Variants in PIEZO2 observed in about 807,000 individuals in gnomAD.
PIEZO2 encodes the protein piezo-type mechanosensitive ion channel component 2.
A neutral mutation model predicts 337.3 loss-of-function variants in PIEZO2; 172 were observed. That is an observed-to-expected ratio of 0.51 (90% confidence interval 0.45 to 0.58). The LOEUF (loss-of-function observed/expected upper bound fraction) is 0.58. Ranked by LOEUF, PIEZO2 falls within the 20% of genes least tolerant of loss-of-function variation. PIEZO2 has a pLI of 0.00. For missense variants in PIEZO2, 3,028 were observed against 3,391.3 expected (o/e 0.89, Z 2.66); for synonymous variants, 1,251 against 1,228.5 (o/e 1.02, Z -0.38).
chr18:11,118,664 CT>C (rs2039952039), intron 1 of PIEZO2, among the ~76,000 whole-genome samples: 1 of 152,074 alleles, frequency 6.6e-6, no homozygotes, highest in Admixed American at 6.5e-5. Flanking sequence ...GGATAAGTCA[CT>C]GATACAAAGA....
Position 10,766,540 on chromosome 18 carries a change from A to G in PIEZO2, c.2947-3442T>C, listed in dbSNP as rs918822798. On this transcript the variant is annotated intron_variant, in intron 21 of 55. Coordinates refer to ENST00000674853, the MANE Select transcript of PIEZO2 (RefSeq NM_001378183.1). The surrounding 1 kb of genome is among the most constrained non-coding windows in gnomAD (Gnocchi z 6.1). The stretch of plus-strand genomic sequence containing the variant: ...CAGGTTGTCATCCTATCTGAATATA[A>G]CCTTGTGGGGCCTGAGGGCCCTGCC... Among the ~76,000 whole-genome samples, 7 of 152,098 alleles carry G rather than the reference A, an allele frequency of 4.6e-5. No homozygotes were observed. Among genetic ancestry groups the G allele is most frequent in the Non-Finnish European group, 7.4e-5 (5 of 67,996 alleles).
Position 11,048,645 on chromosome 18 carries a change from C to T in PIEZO2, c.160+17482G>A, listed in dbSNP as rs192030354. Among the ~76,000 whole-genome samples the T allele has an allele frequency of 1.3e-5, 2 of 152,170 alleles. No homozygotes were observed. The highest frequency in any genetic ancestry group is 2.9e-5 in the Non-Finnish European group (2 of 68,026). On this transcript the variant is annotated intron_variant, in intron 2 of 55. Transcript: ENST00000674853. The surrounding 1 kb of genome is among the most constrained non-coding windows in gnomAD (Gnocchi z 4.5). ...CTGAATTATTTATATTAGAAGCTTT[C>T]ACTCACTGAATCAATTTTTAAAAAT...
At chr18:10,785,571 A>T (rs1398479150) in intron 16 of PIEZO2, among the ~76,000 whole-genome samples, 1 of 151,760 alleles carries the variant, frequency 6.6e-6, no homozygotes, top group Non-Finnish European at 1.5e-5. Flanking sequence ...CCCTCTCCCC[A>T]CTCTAGTATC....
At chr18:11,053,138 T>C (rs2037590674) in intron 2 of PIEZO2, among the ~76,000 whole-genome samples, 1 of 152,200 alleles carries the variant, frequency 6.6e-6, no homozygotes, top group South Asian at 2.1e-4. Context: ...TAAACGTGTG[T>C]TGTGAAAATT....
Position 10,855,660 on chromosome 18 carries a change from T to G in PIEZO2, c.704-94A>C. ...ACTATTTGAAATTATGTGAATTTCC[T>G]TCAAGTGTTTTTAGGTTTTTTAAAA... On this transcript the variant is annotated intron_variant, in intron 6 of 55. Coordinates refer to ENST00000674853, the MANE Select transcript of PIEZO2 (RefSeq NM_001378183.1). The surrounding 1 kb of genome is among the most constrained non-coding windows in gnomAD (Gnocchi z 4.9). The G allele has an allele frequency of 3.9e-6, 4 of 1,036,118 alleles. No individual in the cohort carries two copies. Among genetic ancestry groups the G allele is most frequent in the Non-Finnish European group, 5.5e-6 (4 of 733,352 alleles). The allele number at this position is 1,036,118 out of a possible 1,614,324, so 64.2% of individuals were successfully genotyped here. A position where few individuals can be genotyped will look rare whatever the true frequency, so the allele number is the denominator to read the frequency against.
At chr18:10,832,488 G>C (rs2040873508) in intron 7 of PIEZO2, among the ~76,000 whole-genome samples, 1 of 152,174 alleles carries the variant, frequency 6.6e-6, no homozygotes. Flanking sequence ...TGCACAGAGA[G>C]GTTAAGTAAT....
intron 2 of PIEZO2, among the ~76,000 whole-genome samples, chr18:11,018,411 G>A (rs1365465028): frequency 6.6e-6 from 1 of 150,886 alleles, no homozygotes; most frequent in Non-Finnish European, 1.5e-5. Context: ...GTGTGTGTGT[G>A]TGTGTGTGTG....
intron 2 of PIEZO2, among the ~76,000 whole-genome samples, chr18:10,989,758 A>G (rs927113985): frequency 3.9e-5 from 6 of 152,198 alleles, no homozygotes; most frequent in Non-Finnish European, 8.8e-5. Flanking sequence ...AAGCTATTGT[A>G]GATAAATTAT....
At chr18:10,818,798 C>T (rs2040438299) in intron 7 of PIEZO2, among the ~76,000 whole-genome samples, 1 of 152,162 alleles carries the variant, frequency 6.6e-6, no homozygotes, top group South Asian at 2.1e-4. Context: ...CGCTTCACGT[C>T]AATGCATCAC....
At chr18:10,816,073 G>C (rs1417356126) in intron 7 of PIEZO2, among the ~76,000 whole-genome samples, 1 of 152,176 alleles carries the variant, frequency 6.6e-6, no homozygotes, top group Non-Finnish European at 1.5e-5. Context: ...AAGACTCCCT[G>C]CCTAGCAGAC....
intron 49 of PIEZO2, among the ~76,000 whole-genome samples, chr18:10,685,860 G>A (rs780338230): frequency 1.8e-4 from 28 of 152,152 alleles, no homozygotes; most frequent in Non-Finnish European, 3.4e-4. Flanking sequence ...TATGGAGAAC[G>A]CAGGCTGCGG....
chr18:11,004,075 C>G (rs1408891824), intron 2 of PIEZO2, among the ~76,000 whole-genome samples: 1 of 152,144 alleles, frequency 6.6e-6, no homozygotes, highest in Non-Finnish European at 1.5e-5. Flanking sequence ...GCAGAAACTC[C>G]CTGACTGCAG....
At chr18:11,040,342 T>A (rs969346281) in intron 2 of PIEZO2, among the ~76,000 whole-genome samples, 32 of 152,226 alleles carry the variant, frequency 2.1e-4, no homozygotes, top group African/African-American at 7.5e-4. Context: ...TTATTTTATT[T>A]ATTTTTCTTT....
At chr18:10,890,580 G>A (rs2042726594) in intron 4 of PIEZO2, 1 of 152,246 alleles carries the variant, frequency 6.6e-6, no homozygotes, top group Non-Finnish European at 1.5e-5. Context: ...GACGTGCAGT[G>A]TGAAGTGGGG....
chr18:10,752,640 A>G lies in PIEZO2; in HGVS notation c.4163T>C (p.Leu1388Pro), dbSNP rs1555638058. The change falls in exon 28 of 56, where the codon CTG (leucine) becomes CCG (proline). Residue 1388 changes from leucine (L) to proline (P), a missense_variant. Leu to Pro is a moderately conservative substitution (Grantham distance 98, BLOSUM62 -3). This residue lies in a region of PIEZO2 where 1,925 missense variants were observed against 2,051.9 expected (regional missense o/e 0.94). Transcript: ENST00000674853. ...NVFVITMKNI[L>P]SIGACGYIGT... ...TATGCAGTGGCAACCACTTACTGAC[A>G]GGATATTTTTCATCGTAATCACAAA... The G allele has an allele frequency of 6.5e-7, 1 of 1,537,116 alleles. No individual in the cohort carries two copies. Among genetic ancestry groups the G allele is most frequent in the Non-Finnish European group, 8.7e-7 (1 of 1,146,828 alleles).
chr18:10,923,687 C>A (rs1305249317), intron 3 of PIEZO2, among the ~76,000 whole-genome samples: 3 of 152,204 alleles, frequency 2.0e-5, no homozygotes, highest in Non-Finnish European at 4.4e-5. Context: ...CTTGCTATTG[C>A]ATATACTTTG....
In PIEZO2 at chr18:10,671,327, A is replaced by G. The variant is rs774600925; in HGVS notation, c.*200T>C. ...AGTAGCCCTGATTTCAGAGAAATGG[A>G]GTTACAAATAACATTTTCAACAGTG... On this transcript the variant is annotated 3_prime_UTR_variant, in exon 56 of 56. Coordinates refer to ENST00000674853, the MANE Select transcript of PIEZO2 (RefSeq NM_001378183.1). 2.8e-5 allele frequency: 14 copies of G among 496,992 alleles called. No individual in the cohort carries two copies. Among genetic ancestry groups the G allele is most frequent in the Non-Finnish European group, 4.2e-5 (12 of 288,106 alleles). The allele number at this position is 496,992 out of a possible 1,614,324, so 30.8% of individuals were successfully genotyped here. A position where few individuals can be genotyped will look rare whatever the true frequency, so the allele number is the denominator to read the frequency against.
rs1053063501 is a variant in PIEZO2 at position 11,002,281 on chromosome 18, G to T, written c.161-22621C>A. 6.6e-6 allele frequency among the ~76,000 whole-genome samples: 1 copy of T among 152,176 alleles called. No individual in the cohort carries two copies. The highest frequency in any genetic ancestry group is 1.5e-5 in the Non-Finnish European group (1 of 68,042). On this transcript the variant is annotated intron_variant, in intron 2 of 55. Transcript: ENST00000674853. The surrounding 1 kb of genome is among the most constrained non-coding windows in gnomAD (Gnocchi z 4.3). ...CAAAATACAGCAGTGAGTAGAGGCT[G>T]GTTCAGTCTATAGGCTGTAGTTTGC...
In PIEZO2 at chr18:10,713,842, C is replaced by T. The variant is rs560975014; in HGVS notation, c.5423+922G>A. On this transcript the variant is annotated intron_variant, in intron 39 of 55. Transcript: ENST00000674853. The surrounding 1 kb of genome is among the most constrained non-coding windows in gnomAD (Gnocchi z 4.5). ...GGTCTAGCGCTTCACCCTAACAAGG[C>T]GATTTTTCCTCCTAAGACAGGGACT... Among the ~76,000 whole-genome samples the T allele has an allele frequency of 5.3e-5, 8 of 152,302 alleles. No individual in the cohort carries two copies. Among genetic ancestry groups the T allele is most frequent in the Middle Eastern group, 3.4e-3 (1 of 294 alleles).
Sources: allele counts gnomAD v4.1 joint callset (sites outside exome capture counted in the v4.1 genomes callset), GRCh38; gene constraint gnomAD v4.1.1; regional missense constraint gnomAD v4.1.1; non-coding constraint Gnocchi (gnomAD v3.1); transcripts MANE v1.5; gene names NCBI Gene and HGNC (gene_info 2026-07-23, HGNC 2026-07-21).